Variants in ZSCAN25 observed in about 807,000 individuals in gnomAD.
ZSCAN25 encodes the protein zinc finger and SCAN domain containing 25.
A neutral mutation model predicts 38.7 loss-of-function variants in ZSCAN25; 27 were observed. The ratio of observed to expected loss-of-function variants is 0.70; its 90% confidence interval spans 0.51 to 0.96. The LOEUF is 0.96. ZSCAN25 is among the 40% of genes least tolerant of loss of function. The probability of loss-of-function intolerance (pLI) is 0.00; values close to 1 mark genes in which losing one functional copy is unlikely to be tolerated. For missense variants in ZSCAN25, 637 were observed against 705.9 expected (o/e 0.90, Z 1.11); for synonymous variants, 273 against 277.7 (o/e 0.98, Z 0.17).
At chr7:99,640,987 A>G in the ZSCAN25 span, among the ~76,000 whole-genome samples, 3 of 152,182 alleles carry the variant, frequency 2.0e-5, no homozygotes, top group African/African-American at 7.2e-5. Flanking sequence ...AGACCAGGAA[A>G]TGGTAGCAAA....
the ZSCAN25 span, chr7:99,663,167 CAA>C: frequency 8.7e-6 from 10 of 1,146,058 alleles, no homozygotes; most frequent in Middle Eastern, 3.8e-4. Context: ...GCTTTCTGGC[CAA>C]AGAGTTGCCG....
At chr7:99,655,049 G>A in the ZSCAN25 span, among the ~76,000 whole-genome samples, 8 of 152,164 alleles carry the variant, frequency 5.3e-5, no homozygotes, top group Non-Finnish European at 1.5e-5. Context: ...TCTGATGGTA[G>A]TTTCTTTTGC....
At chr7:99,680,637 T>G in the ZSCAN25 span, among the ~76,000 whole-genome samples, 8 of 152,200 alleles carry the variant, frequency 5.3e-5, no homozygotes, top group African/African-American at 1.9e-4. Context: ...TTGGTGGAGT[T>G]GTCTTGGGTG....
the ZSCAN25 span, chr7:99,663,180 G>A: frequency 2.6e-5 from 29 of 1,130,542 alleles, no homozygotes; most frequent in Non-Finnish European, 3.2e-5. Flanking sequence ...AGAGTTGCCG[G>A]TTCCATCTCT....
the ZSCAN25 span, among the ~76,000 whole-genome samples, chr7:99,725,653 C>T: frequency 2.0e-5 from 3 of 152,306 alleles, no homozygotes; most frequent in African/African-American, 7.2e-5. Flanking sequence ...TGACTCACAT[C>T]GCCACTGCTC....
the ZSCAN25 span, among the ~76,000 whole-genome samples, chr7:99,708,661 C>G: frequency 6.6e-6 from 1 of 152,122 alleles, no homozygotes; most frequent in South Asian, 2.1e-4. Flanking sequence ...AGATTAGACG[C>G]ATGTTTTTTA....
the ZSCAN25 span, chr7:99,672,906 G>A: frequency 1.5e-6 from 2 of 1,339,528 alleles, no homozygotes; most frequent in South Asian, 2.0e-5. Flanking sequence ...GTCCAAACAG[G>A]GAAGAGATAT....
At chr7:99,645,821 C>T in the ZSCAN25 span, among the ~76,000 whole-genome samples, 1 of 151,514 alleles carries the variant, frequency 6.6e-6, no homozygotes, top group African/African-American at 2.4e-5. Context: ...CATTTAAGTT[C>T]TTTATAGATG....
chr7:99,644,540 G>A, the ZSCAN25 span, among the ~76,000 whole-genome samples: 2 of 152,144 alleles, frequency 1.3e-5, no homozygotes, highest in Non-Finnish European at 1.5e-5. Flanking sequence ...TGGACTAGAA[G>A]GCAGTTGTTG....
rs142763697 is a variant in ZSCAN25, at chr7:99,629,304, G to A, written c.919G>A (p.Gly307Arg). ...GEASLQGPGL[G>R]RVCEQEPGGP... ...AGCCTCTCTCCAGGGCCCTGGGCTC[G>A]GAAGGGTCTGTGAGCAGGAGCCTGG... Residue 307 changes from glycine to arginine, a missense_variant, in exon 8 of 8, where the codon GGA (glycine) becomes AGA (arginine). By Grantham distance (125) the Gly-to-Arg change is moderately radical. Transcript: ENST00000394152. The surrounding 1 kb of genome is among the most constrained non-coding windows in gnomAD (Gnocchi z 5.6). The A allele has an allele frequency of 1.2e-4, 197 of 1,614,120 alleles. No individual in the cohort carries two copies. Among genetic ancestry groups the A allele is most frequent in the African/African-American group, 9.2e-4 (69 of 75,044 alleles).
At chr7:99,685,078 A>T in the ZSCAN25 span, 1 of 1,186,306 alleles carries the variant, frequency 8.4e-7, no homozygotes, top group Non-Finnish European at 1.2e-6. Context: ...AAGTAATTTG[A>T]GGTCTCTGGT....
the ZSCAN25 span, among the ~76,000 whole-genome samples, chr7:99,669,194 T>C: frequency 1.3e-5 from 2 of 152,212 alleles, no homozygotes; most frequent in Non-Finnish European, 2.9e-5. Flanking sequence ...CTTTTTCTTG[T>C]TGAGGCAAAT....
chr7:99,656,433 A>G, the ZSCAN25 span, among the ~76,000 whole-genome samples: 5 of 152,210 alleles, frequency 3.3e-5, no homozygotes, highest in African/African-American at 1.2e-4. Flanking sequence ...GATGAAGCCC[A>G]CTTGATCATG....
At chr7:99,676,395 C>T in the ZSCAN25 span, 1 of 1,513,886 alleles carries the variant, frequency 6.6e-7, no homozygotes, top group Non-Finnish European at 8.9e-7. Context: ...TCTGAGACCC[C>T]TGAAAAGTCT....
the ZSCAN25 span, among the ~76,000 whole-genome samples, chr7:99,701,235 A>T: frequency 6.6e-6 from 1 of 152,206 alleles, no homozygotes; most frequent in Non-Finnish European, 1.5e-5. Flanking sequence ...TATTTTACCT[A>T]ACATAATGAC....
the ZSCAN25 span, among the ~76,000 whole-genome samples, chr7:99,693,893 A>G: frequency 6.6e-6 from 1 of 152,222 alleles, no homozygotes; most frequent in African/African-American, 2.4e-5. Flanking sequence ...CCTGCGTCTA[A>G]TTGGGGCTGA....
chr7:99,720,383 G>C, the ZSCAN25 span: 2 of 1,613,716 alleles, frequency 1.2e-6, no homozygotes, highest in South Asian at 2.2e-5. Flanking sequence ...ATCTGTGATA[G>C]CCAGCATAGG....
chr7:99,674,626 A>C, the ZSCAN25 span: 7 of 1,564,996 alleles, frequency 4.5e-6, no homozygotes, highest in Middle Eastern at 3.4e-4. Context: ...ATTATTTTAA[A>C]TAGAATAAAC....
chr7:99,710,841 C>A, the ZSCAN25 span: 4 of 1,613,676 alleles, frequency 2.5e-6, no homozygotes, highest in South Asian at 3.3e-5. Context: ...GGTTTCATAG[C>A]CAGCAAAAAT....
Sources: allele counts gnomAD v4.1 joint callset (sites outside exome capture counted in the v4.1 genomes callset), GRCh38; gene constraint gnomAD v4.1.1; non-coding constraint Gnocchi (gnomAD v3.1); transcripts MANE v1.5; gene names NCBI Gene and HGNC (gene_info 2026-07-23, HGNC 2026-07-21).